PAN3: variants seen among roughly 807,000 people sequenced by gnomAD.
PAN3 encodes poly(A) specific ribonuclease subunit PAN3.
Under a neutral mutation model 96.2 loss-of-function variants are expected in PAN3, and 19 were observed. The ratio of observed to expected loss-of-function variants is 0.20; its 90% confidence interval spans 0.14 to 0.29. PAN3 has a LOEUF of 0.29. Among genes scored for constraint, PAN3 ranks in the 10% least tolerant of loss-of-function variants. The pLI is 1.00. For synonymous variants in PAN3, 433 were observed against 406.6 expected, an observed-to-expected ratio of 1.06 and a Z score of -0.78; for missense variants, 882 against 1,108.1, an observed-to-expected ratio of 0.80 and a Z score of 2.90.
At chr13:28,179,834 G>A (rs950407246) in intron 4 of PAN3, among the ~76,000 whole-genome samples, 3 of 151,894 alleles carry the variant, frequency 2.0e-5, no homozygotes, top group African/African-American at 7.3e-5. Context: ...GTCTTAAAGT[G>A]GAAATATATG....
intron 6 of PAN3, among the ~76,000 whole-genome samples, chr13:28,230,353 A>G (rs373035202): frequency 6.6e-6 from 1 of 152,230 alleles, no homozygotes; most frequent in South Asian, 2.1e-4. Flanking sequence ...AATACTTAGG[A>G]AATGAGTAGC....
chr13:28,153,821 A>G (rs1871722626), intron 1 of PAN3, among the ~76,000 whole-genome samples: 1 of 152,200 alleles, frequency 6.6e-6, no homozygotes, highest in African/African-American at 2.4e-5. Flanking sequence ...AAAATTCAGC[A>G]TTAGCCTTCT....
chr13:28,280,804 G>A (rs1316567841), intron 16 of PAN3, among the ~76,000 whole-genome samples: 4 of 151,560 alleles, frequency 2.6e-5, no homozygotes, highest in South Asian at 2.1e-4. Context: ...CAAGTGATCC[G>A]CCCGCCTCAG....
intron 1 of PAN3, among the ~76,000 whole-genome samples, chr13:28,156,372 C>G (rs1463386534): frequency 6.6e-6 from 1 of 152,040 alleles, no homozygotes; most frequent in African/African-American, 2.4e-5. Context: ...AATTGAAACC[C>G]TGAACAGAGC....
At chr13:28,231,817 G>C (rs987280708) in intron 6 of PAN3, among the ~76,000 whole-genome samples, 1 of 152,092 alleles carries the variant, frequency 6.6e-6, no homozygotes, top group Non-Finnish European at 1.5e-5. Context: ...CGGGAGGATT[G>C]ATTGAGCTCA....
chr13:28,166,551 T>C (rs75130896), intron 1 of PAN3, among the ~76,000 whole-genome samples: 2,925 of 152,256 alleles, frequency 0.019, 115 homozygotes, highest in African/African-American at 0.067. Context: ...GCTGCACAGT[T>C]CTGAGGTCTC....
At chr13:28,149,451 C>G (rs1036635695) in intron 1 of PAN3, among the ~76,000 whole-genome samples, 2 of 152,180 alleles carry the variant, frequency 1.3e-5, no homozygotes, top group South Asian at 4.1e-4. Context: ...TTTTTCTCCC[C>G]AATGGCTCAC....
chr13:28,155,510 C>T (rs1838139806), intron 1 of PAN3, among the ~76,000 whole-genome samples: 1 of 152,006 alleles, frequency 6.6e-6, no homozygotes, highest in African/African-American at 2.4e-5. Context: ...ATTTGCATGA[C>T]CCCGGGAGGT....
intron 9 of PAN3, among the ~76,000 whole-genome samples, chr13:28,262,122 C>T (rs947471314): frequency 1.3e-5 from 2 of 152,122 alleles, no homozygotes; most frequent in African/African-American, 4.8e-5. Context: ...TTCTCACAAA[C>T]ATCCTGTGAC....
At chr13:28,170,280 A>G (rs73446925) in intron 1 of PAN3, among the ~76,000 whole-genome samples, 5,737 of 152,182 alleles carry the variant, frequency 0.038, 331 homozygotes, top group African/African-American at 0.13. Context: ...GACAAATTCT[A>G]TTTCTTAATG....
chr13:28,257,726 TATTATATATAA>T (rs1417194741), intron 7 of PAN3, among the ~76,000 whole-genome samples: 75 of 137,270 alleles, frequency 5.5e-4, no homozygotes, highest in African/African-American at 2.1e-3. Context: ...AATTAATATA[TATTATATATAA>T]ATTATATATA....
At chr13:28,252,368 G>C (rs1884810392) in intron 6 of PAN3, among the ~76,000 whole-genome samples, 1 of 151,914 alleles carries the variant, frequency 6.6e-6, no homozygotes, top group South Asian at 2.1e-4. Context: ...TATTTAGGAA[G>C]GGTGCTGATT....
chr13:28,157,474 C>T (rs1403467296), intron 1 of PAN3, among the ~76,000 whole-genome samples: 1 of 152,170 alleles, frequency 6.6e-6, no homozygotes, highest in Non-Finnish European at 1.5e-5. Context: ...CGTCTCTGCC[C>T]AGAAGCTCCT....
chr13:28,235,940 T>C (rs1883063092), intron 6 of PAN3, among the ~76,000 whole-genome samples: 1 of 151,412 alleles, frequency 6.6e-6, no homozygotes, highest in African/African-American at 2.4e-5. Flanking sequence ...TGAAAGTTGC[T>C]CCAGGCTGGT....
rs1206776192 is a variant in PAN3, at chr13:28,280,713, C to T, written c.2319+172C>T. On this transcript the variant is annotated intron_variant, in intron 16 of 18. Coordinates refer to ENST00000380958, the MANE Select transcript of PAN3 (RefSeq NM_175854.8). Reference sequence around the variant, plus strand: ...AGTAGCTGGGATTACAGGTGTACGCCACCACACCCCGCTATTTTTGTATTG... The same window carrying T: ...AGTAGCTGGGATTACAGGTGTACGCTACCACACCCCGCTATTTTTGTATTG... 2.0e-5 allele frequency among the ~76,000 whole-genome samples: 3 copies of T among 151,884 alleles called. No homozygotes were observed. In the East Asian group the frequency reaches 5.8e-4, roughly 29 times the overall value.
chr13:28,176,671 A>G, intron 3 of PAN3, 112 bp downstream of exon 3: 1 of 1,059,912 alleles, frequency 9.4e-7, no homozygotes, highest in Non-Finnish European at 1.4e-6. Context: ...ATAAAGAAGA[A>G]AATAAAAATT....
chr13:28,257,747 AATATAT>A (rs1566235137), intron 7 of PAN3, among the ~76,000 whole-genome samples: 18 of 114,292 alleles, frequency 1.6e-4, no homozygotes, highest in South Asian at 5.2e-4. Flanking sequence ...AATTATATAT[AATATAT>A]AATTAATTAT....
chr13:28,239,611 T>A, intron 6 of PAN3: 1 of 1,289,714 alleles, frequency 7.8e-7, no homozygotes, highest in Non-Finnish European at 1.0e-6. Flanking sequence ...AGCACTGGAC[T>A]TGAAGATAAA....
At position 28,277,239 on chromosome 13, in the gene PAN3, A is replaced by G; in HGVS notation, c.2052A>G (p.Gln684=). 3 of 1,604,834 alleles carry G rather than the reference A, an allele frequency of 1.9e-6. No individual in the cohort carries two copies. Among genetic ancestry groups the G allele is most frequent in the Middle Eastern group, 1.7e-4 (1 of 6,036 alleles). The part of the protein sequence containing the change: ...NPLALMAQYQ[Q]ADLISLGKVV... ...TTATATTTATTCTTTCATGTCAGCA[A>G]GCAGATCTGATATCATTAGGAAAAG... is the stretch of plus-strand genomic sequence containing the variant. Residue 684 remains glutamine (Q), a splice_region_variant and synonymous_variant, in exon 15 of 19, where the codon CAA becomes CAG. Coordinates refer to ENST00000380958, the MANE Select transcript of PAN3 (RefSeq NM_175854.8).
Sources: allele counts gnomAD v4.1 joint callset (sites outside exome capture counted in the v4.1 genomes callset), GRCh38; gene constraint gnomAD v4.1.1; transcripts MANE v1.5; gene names NCBI Gene and HGNC (gene_info 2026-07-23, HGNC 2026-07-21).